Variants in TRIM2 observed in about 807,000 individuals in gnomAD.
TRIM2 encodes the protein tripartite motif containing 2, also known as tripartite motif-containing protein 2.
In TRIM2, 20 loss-of-function variants were observed where a neutral mutation model predicts 75.2. The observed-to-expected ratio is 0.27, with a 90% CI of 0.19 to 0.39. The LOEUF is 0.39. Ranked by LOEUF, TRIM2 falls within the 10% of genes least tolerant of loss-of-function variation. TRIM2 has a pLI of 1.00. For synonymous variants in TRIM2, 373 were observed against 388.3 expected (o/e 0.96, Z 0.46); for missense variants, 660 against 990.8 (o/e 0.67, Z 4.48).
chr4:153,278,209 A>G (rs1758450256), intron 3 of TRIM2, among the ~76,000 whole-genome samples: 1 of 152,054 alleles, frequency 6.6e-6, no homozygotes, highest in African/African-American at 2.4e-5. Flanking sequence ...GGCTTAAGCG[A>G]TCTTTCCACC....
At chr4:153,222,058 A>AAGGAAGGAGAGAGGGAGCGAGGG (rs1740647010) in intron 1 of TRIM2, among the ~76,000 whole-genome samples, 149 of 39,480 alleles carry the variant, frequency 3.8e-3, no homozygotes, top group Middle Eastern at 0.019. Context: ...GGGAGGGAGG[A>AAGGAAGGAGAGAGGGAGCGAGGG]AGGAAGGAAG....
chr4:153,292,901 G>A lies in TRIM2; in HGVS notation c.454-81G>A, dbSNP rs1175521652. ...GGGTGGCTCTCATTTAATTATGAGA[G>A]ACTGCAAGGCAAGTGCTTAGTGTAG... On this transcript the variant is annotated intron_variant, in intron 3 of 11. Coordinates refer to ENST00000338700, the MANE Select transcript of TRIM2 (RefSeq NM_015271.5). 7.7e-6 allele frequency: 10 copies of A among 1,297,824 alleles called. No individual in the cohort carries two copies. In the East Asian group the frequency reaches 2.7e-4, roughly 35 times the overall value. The allele number at this position is 1,297,824 out of a possible 1,614,324, so 80.4% of individuals were successfully genotyped here. A position where few individuals can be genotyped will look rare whatever the true frequency, so the allele number is the denominator to read the frequency against.
upstream of TRIM2, among the ~76,000 whole-genome samples, chr4:153,202,711 A>G (rs1487796389): frequency 2.0e-5 from 3 of 148,986 alleles, no homozygotes; most frequent in Admixed American, 1.3e-4. Flanking sequence ...AAAAAAAAAA[A>G]AAAAGAAATC....
intron 1 of TRIM2, among the ~76,000 whole-genome samples, chr4:153,235,397 G>T (rs561775059): frequency 3.3e-5 from 5 of 151,920 alleles, no homozygotes; most frequent in African/African-American, 1.2e-4. Flanking sequence ...GAATTCTCCT[G>T]CCTCAGCCTC....
chr4:153,231,682 A>G (rs1743664635), intron 1 of TRIM2, among the ~76,000 whole-genome samples: 1 of 152,108 alleles, frequency 6.6e-6, no homozygotes. Flanking sequence ...ATGAGGGAGA[A>G]TCTGCTCCAT....
chr4:153,233,203 A>C (rs1009994761), intron 1 of TRIM2, among the ~76,000 whole-genome samples: 3 of 152,182 alleles, frequency 2.0e-5, no homozygotes, highest in East Asian at 3.9e-4. Flanking sequence ...TCCAAAGCCA[A>C]AGAAAAAGAG....
chr4:153,161,395 T>C (rs1729723198), intron 1 of TRIM2, among the ~76,000 whole-genome samples: 1 of 152,224 alleles, frequency 6.6e-6, no homozygotes, highest in South Asian at 2.1e-4. Context: ...TTAACAGTTA[T>C]CCTATGAAAA....
In TRIM2 at chr4:153,248,558, T is replaced by G. The variant is rs1000707223; in HGVS notation, c.31-21777T>G. Among the ~76,000 whole-genome samples the G allele has an allele frequency of 2.0e-5, 3 of 152,180 alleles. No individual in the cohort carries two copies. The highest frequency in any genetic ancestry group is 7.2e-5 in the African/African-American group (3 of 41,452). On this transcript the variant is annotated intron_variant, in intron 1 of 11. Transcript: ENST00000338700. The surrounding 1 kb of genome is among the most constrained non-coding windows in gnomAD (Gnocchi z 4.0). ...GGCTGACAGTGACACACTGGATCAT[T>G]TAATCATCACAATGGCATTAGGAGG... is the stretch of plus-strand genomic sequence containing the variant.
intron 6 of TRIM2, among the ~76,000 whole-genome samples, chr4:153,303,195 G>A (rs945719333): frequency 6.6e-6 from 1 of 152,126 alleles, no homozygotes; most frequent in Non-Finnish European, 1.5e-5. Flanking sequence ...TGGACGCCGT[G>A]GCTTATGCCT....
At chr4:153,297,453 T>C (rs1763002073) in intron 6 of TRIM2, among the ~76,000 whole-genome samples, 1 of 152,184 alleles carries the variant, frequency 6.6e-6, no homozygotes. Flanking sequence ...AATATCTGCT[T>C]ATCAGAACTA....
intron 11 of TRIM2, among the ~76,000 whole-genome samples, chr4:153,329,475 G>T (rs1249241213): frequency 2.0e-5 from 3 of 151,590 alleles, no homozygotes; most frequent in African/African-American, 4.8e-5. Flanking sequence ...TAAATCAATG[G>T]TCTAAGCTGC....
intron 1 of TRIM2, among the ~76,000 whole-genome samples, chr4:153,243,562 A>G (rs571344515): frequency 1.1e-3 from 170 of 152,290 alleles, no homozygotes; most frequent in African/African-American, 4.1e-3. Flanking sequence ...GTTAAAACCA[A>G]GTGGCAACCT....
At chr4:153,329,131 C>A (rs1209884468) in intron 11 of TRIM2, among the ~76,000 whole-genome samples, 1 of 152,094 alleles carries the variant, frequency 6.6e-6, no homozygotes, top group Non-Finnish European at 1.5e-5. Flanking sequence ...TTCAAAATTA[C>A]AGTAATTATT....
upstream of TRIM2, among the ~76,000 whole-genome samples, chr4:153,202,452 T>A (rs1435296185): frequency 6.6e-6 from 1 of 152,188 alleles, no homozygotes; most frequent in Non-Finnish European, 1.5e-5. Flanking sequence ...ATCCCAGCAC[T>A]TTGGGAGGCC....
chr4:153,176,695 C>T (rs909377323), intron 1 of TRIM2, among the ~76,000 whole-genome samples: 2 of 152,264 alleles, frequency 1.3e-5, no homozygotes, highest in South Asian at 2.1e-4. Flanking sequence ...ACCACAACCT[C>T]CACCTCCCAG....
intron 6 of TRIM2, among the ~76,000 whole-genome samples, chr4:153,296,518 A>G (rs573347868): frequency 6.6e-6 from 1 of 152,290 alleles, no homozygotes; most frequent in Non-Finnish European, 1.5e-5. Flanking sequence ...TCGGCATTGC[A>G]GGAGGGAGGG....
chr4:153,337,594 G>T lies in TRIM2; in HGVS notation c.*2628G>T, dbSNP rs1270360588. ...CATATGTGCATTTACTGTATTTCTT[G>T]GTAAGCATATTTTTGGGGGAAAGTG... On this transcript the variant is annotated 3_prime_UTR_variant, in exon 12 of 12. Transcript: ENST00000338700. 1.0e-6 allele frequency: 1 copy of T among 985,520 alleles called. No homozygotes were observed. Among genetic ancestry groups the T allele is most frequent in the African/African-American group, 1.7e-5 (1 of 57,156 alleles). The allele number at this position is 985,520 out of a possible 1,614,324, so 61.0% of individuals were successfully genotyped here. A position where few individuals can be genotyped will look rare whatever the true frequency, so the allele number is the denominator to read the frequency against.
At chr4:153,161,505 G>A (rs1729734341) in intron 1 of TRIM2, among the ~76,000 whole-genome samples, 1 of 152,208 alleles carries the variant, frequency 6.6e-6, no homozygotes, top group South Asian at 2.1e-4. Flanking sequence ...AGGAGTTGGA[G>A]TCATGTCTGT....
At chr4:153,193,536 A>G (rs1429517638) in intron 1 of TRIM2, among the ~76,000 whole-genome samples, 1 of 152,222 alleles carries the variant, frequency 6.6e-6, no homozygotes, top group Non-Finnish European at 1.5e-5. Flanking sequence ...GAGAATGTAT[A>G]TAATGCTTGC....
Sources: allele counts gnomAD v4.1 joint callset (sites outside exome capture counted in the v4.1 genomes callset), GRCh38; gene constraint gnomAD v4.1.1; non-coding constraint Gnocchi (gnomAD v3.1); transcripts MANE v1.5; gene names NCBI Gene and HGNC (gene_info 2026-07-23, HGNC 2026-07-21).